Variants in TXNRD1 observed in about 807,000 individuals in gnomAD.
The protein encoded by TXNRD1 is thioredoxin reductase 1, also known as thioredoxin reductase 1, cytoplasmic.
TXNRD1 carries 57 observed loss-of-function variants against 80.3 expected under a neutral mutation model. That is an observed-to-expected ratio of 0.71 (90% CI 0.57 to 0.89). The LOEUF is 0.89. TXNRD1 is among the 40% of genes least tolerant of loss of function. The probability of loss-of-function intolerance (pLI) is 0.00; values close to 1 mark genes in which losing one functional copy is unlikely to be tolerated. For missense variants in TXNRD1, 730 were observed against 803.0 expected (o/e 0.91, Z 1.10); for synonymous variants, 291 against 285.2 (o/e 1.02, Z -0.20).
At chr12:104,241,282 G>A (rs1309905461) in intron 1 of TXNRD1, among the ~76,000 whole-genome samples, 3 of 152,006 alleles carry the variant, frequency 2.0e-5, no homozygotes, top group African/African-American at 4.8e-5. Flanking sequence ...CTGGTGATCC[G>A]CCCGCCTCAG....
chr12:104,279,643 A>G (rs1305222621), intron 3 of TXNRD1, among the ~76,000 whole-genome samples: 1 of 152,236 alleles, frequency 6.6e-6, no homozygotes, highest in Admixed American at 6.5e-5. Flanking sequence ...GGTATATTCA[A>G]CAGACTTTGG....
At chr12:104,280,946 T>C (rs983650501) in intron 3 of TXNRD1, among the ~76,000 whole-genome samples, 11 of 152,358 alleles carry the variant, frequency 7.2e-5, no homozygotes, top group African/African-American at 2.4e-4. Context: ...GAGCTGTGAC[T>C]AATACACATG....
intron 4 of TXNRD1, among the ~76,000 whole-genome samples, chr12:104,293,308 A>T (rs1362571105): frequency 1.3e-5 from 2 of 152,226 alleles, no homozygotes; most frequent in Non-Finnish European, 2.9e-5. Flanking sequence ...ACTAAAACTG[A>T]CAACTCAGGG....
At chr12:104,294,233 G>GGGGC (rs60817773) in intron 4 of TXNRD1, among the ~76,000 whole-genome samples, 1 of 68,884 alleles carries the variant, frequency 1.5e-5, no homozygotes, top group Admixed American at 1.7e-4. Context: ...CCGGGGAAAG[G>GGGGC]CCCCCCCCCC....
chr12:104,257,403 C>CTT (rs57917719), intron 2 of TXNRD1, among the ~76,000 whole-genome samples: 1,012 of 76,984 alleles, frequency 0.013, 48 homozygotes, highest in African/African-American at 0.047. Flanking sequence ...TGTTCCAATG[C>CTT]TTTTTTTTTT....
intron 4 of TXNRD1, among the ~76,000 whole-genome samples, chr12:104,293,356 A>G (rs1453623887): frequency 1.3e-5 from 2 of 152,250 alleles, no homozygotes; most frequent in African/African-American, 4.8e-5. Flanking sequence ...AGGAGAGATG[A>G]CAGGCACCAA....
At chr12:104,323,259 G>C (rs11490360) in intron 10 of TXNRD1, among the ~76,000 whole-genome samples, 1 of 144,036 alleles carries the variant, frequency 6.9e-6, no homozygotes, top group African/African-American at 2.6e-5. Context: ...CACCTTTCCC[G>C]CCTTTCTATT....
chr12:104,319,306 T>C (rs913664780), intron 8 of TXNRD1, among the ~76,000 whole-genome samples, 164 bp from the exon 9 acceptor site: 3 of 152,198 alleles, frequency 2.0e-5, no homozygotes, highest in African/African-American at 7.2e-5. Flanking sequence ...TGACTTTGAG[T>C]AAGTCTGTTA....
At position 104,313,256 on chromosome 12, in the gene TXNRD1, A is replaced by G. The variant is rs767622965; in HGVS notation, c.549A>G (p.Gln183=). 1 of 1,586,098 alleles carries G rather than the reference A, an allele frequency of 6.3e-7. No homozygotes were observed. The highest frequency in any genetic ancestry group is 2.3e-5 in the East Asian group (1 of 44,218). Residue 183 remains glutamine, a synonymous_variant, in exon 6 of 17, where the codon CAA becomes CAG. Coordinates refer to ENST00000525566, the MANE Select transcript of TXNRD1 (RefSeq NM_001093771.3). ...ATTTTATTTTCCAGGAGGCAGCCCA[A>G]TATGGCAAGAAGGTGATGGTCCTGG... The part of the protein sequence containing the change: ...GGLAAAKEAA[Q]YGKKVMVLDF...
intron 4 of TXNRD1, among the ~76,000 whole-genome samples, chr12:104,293,253 A>T (rs1013622095): frequency 2.0e-5 from 3 of 152,236 alleles, no homozygotes; most frequent in African/African-American, 7.2e-5. Flanking sequence ...CAAGTGTCAG[A>T]CATAGTTAAG....
chr12:104,287,985 G>GT (rs556278213), intron 3 of TXNRD1, among the ~76,000 whole-genome samples: 6 of 151,862 alleles, frequency 4.0e-5, no homozygotes, highest in Admixed American at 6.6e-5. Context: ...TTTTTTGTTG[G>GT]TTTTTTTTGT....
chr12:104,328,919 C>A (rs944680758), intron 13 of TXNRD1, among the ~76,000 whole-genome samples: 1 of 152,064 alleles, frequency 6.6e-6, no homozygotes, highest in South Asian at 2.1e-4. Flanking sequence ...ATAAAGACAG[C>A]TGTTTTTTAA....
intron 1 of TXNRD1, among the ~76,000 whole-genome samples, chr12:104,231,766 T>G (rs564479844): frequency 6.6e-6 from 1 of 152,340 alleles, no homozygotes; most frequent in African/African-American, 2.4e-5. Context: ...CTGGCAGAAT[T>G]TGCAGGATAA....
intron 2 of TXNRD1, among the ~76,000 whole-genome samples, chr12:104,255,926 G>A (rs2033239284): frequency 6.6e-6 from 1 of 152,136 alleles, no homozygotes; most frequent in Non-Finnish European, 1.5e-5. Context: ...TTTTCAGATT[G>A]GTGCCAGTTA....
intron 4 of TXNRD1, among the ~76,000 whole-genome samples, chr12:104,308,212 G>A (rs562981163): frequency 7.9e-5 from 12 of 152,168 alleles, no homozygotes; most frequent in African/African-American, 2.9e-4. Context: ...AGCCAGGATG[G>A]TCTCGATCTC....
At chr12:104,239,484 T>C (rs4964257) in intron 1 of TXNRD1, among the ~76,000 whole-genome samples, 138,263 of 152,178 alleles carry the variant, frequency 0.91, 63,056 homozygotes, top group African/African-American at 0.98. Flanking sequence ...TGTGAGCCAC[T>C]GCACCTGGCC....
intron 14 of TXNRD1, among the ~76,000 whole-genome samples, chr12:104,332,618 G>T (rs1264653909): frequency 6.6e-6 from 1 of 151,782 alleles, no homozygotes. Flanking sequence ...GAGTGGTGGT[G>T]CATGCCTGTA....
intron 4 of TXNRD1, among the ~76,000 whole-genome samples, chr12:104,302,418 G>A (rs1231694598): frequency 6.7e-6 from 1 of 148,844 alleles, no homozygotes; most frequent in African/African-American, 2.5e-5. Context: ...TTGCAGGTTT[G>A]AAAAGCTGTT....
chr12:104,322,795 C>T (rs2035585815), intron 10 of TXNRD1, among the ~76,000 whole-genome samples: 1 of 149,822 alleles, frequency 6.7e-6, no homozygotes. Context: ...TTCCTATATA[C>T]AATTTTTTTT....
Sources: gnomAD v4.1 joint callset for allele counts (sites outside exome capture counted in the v4.1 genomes callset) on GRCh38, gnomAD v4.1.1 for gene constraint, MANE v1.5 for transcripts, NCBI Gene and HGNC (gene_info 2026-07-23, HGNC 2026-07-21) for gene names.